TMEM62: variants seen among roughly 807,000 people sequenced by gnomAD.
The protein encoded by TMEM62 is transmembrane protein 62.
TMEM62 carries 41 observed loss-of-function variants against 70.4 expected under a neutral mutation model. The ratio of observed to expected loss-of-function variants is 0.58; its 90% CI spans 0.45 to 0.76. TMEM62 has a LOEUF of 0.76. TMEM62 is among the 30% of genes least tolerant of loss of function. The probability of loss-of-function intolerance (pLI) is 0.00; values close to 1 mark genes in which losing one functional copy is unlikely to be tolerated. For synonymous variants in TMEM62, 268 were observed against 291.0 expected (o/e 0.92, Z 0.80); for missense variants, 688 against 788.5 (o/e 0.87, Z 1.53).
At chr15:43,159,681 G>T (rs937828451) in intron 9 of TMEM62, among the ~76,000 whole-genome samples, 2 of 151,988 alleles carry the variant, frequency 1.3e-5, no homozygotes, top group Non-Finnish European at 2.9e-5. Context: ...ATCTTATTGT[G>T]AGCAGTGCTG....
At chr15:43,140,622 G>A (rs1021615447) in intron 4 of TMEM62, among the ~76,000 whole-genome samples, 2 of 152,164 alleles carry the variant, frequency 1.3e-5, no homozygotes, top group Non-Finnish European at 2.9e-5. Context: ...TGCCTTGTAC[G>A]TGACACTAGA....
chr15:43,152,746 T>C (rs2037560091), intron 8 of TMEM62, among the ~76,000 whole-genome samples: 1 of 152,188 alleles, frequency 6.6e-6, no homozygotes, highest in East Asian at 1.9e-4. Flanking sequence ...TTAACATTCT[T>C]TTTGCAAAGA....
At chr15:43,171,195 G>A (rs1368331110) in intron 11 of TMEM62, among the ~76,000 whole-genome samples, 1 of 151,976 alleles carries the variant, frequency 6.6e-6, no homozygotes, top group African/African-American at 2.4e-5. Context: ...AATTAGCCAG[G>A]CATGGTGGCA....
At position 43,149,106 on chromosome 15, in the gene TMEM62, A is replaced by C. The variant is rs1224979217; in HGVS notation, c.821A>C (p.Gln274Pro). The change falls in exon 7 of 14, where the codon CAG (glutamine) becomes CCG (proline). Residue 274 changes from glutamine (Q) to proline (P), a missense_variant. Coordinates refer to ENST00000260403, the MANE Select transcript of TMEM62 (RefSeq NM_024956.4). ...CCTGTTTTGCACACTCGTCACTTCC[A>C]GGGCACTTTGGAACTTGAGGTGGGA... ...LMPVLHTRHF[Q>P]GTLELEVGDW... 4 of 1,614,028 alleles carry C rather than the reference A, an allele frequency of 2.5e-6. No individual in the cohort carries two copies. In the African/African-American group the frequency reaches 4.0e-5, roughly 16 times the overall value.
intron 9 of TMEM62, among the ~76,000 whole-genome samples, chr15:43,157,890 T>C (rs1192203224): frequency 2.6e-5 from 4 of 152,200 alleles, no homozygotes; most frequent in Non-Finnish European, 4.4e-5. Flanking sequence ...ATATTTTCAT[T>C]TGGTTGGTTC....
rs751979920 is a variant in TMEM62 at position 43,171,614 on chromosome 15, CTT to C, written c.1381+1957_1381+1958del. 7.4e-3 allele frequency among the ~76,000 whole-genome samples: 854 copies of C among 114,900 alleles called. 5 individuals carry two copies. Among genetic ancestry groups the C allele is most frequent in the African/African-American group, 0.027 (801 of 29,800 alleles). The allele number at this position is 114,900 out of a possible 152,430, so 75.4% of individuals were successfully genotyped here. ...AAAAACAGTTTCATATTAATAAAAA[CTT>C]TTTTTTTTTTTTTTTTTTTGTGTGT... is the stretch of plus-strand genomic sequence containing the variant. On this transcript the variant is annotated intron_variant, in intron 11 of 13. Coordinates refer to ENST00000260403, the MANE Select transcript of TMEM62 (RefSeq NM_024956.4).
chr15:43,180,443 C>T (rs1044398100), intron 12 of TMEM62, among the ~76,000 whole-genome samples: 21 of 152,112 alleles, frequency 1.4e-4, no homozygotes, highest in African/African-American at 4.6e-4. Context: ...ATTTTGCAAA[C>T]GGAAATCTAA....
At chr15:43,177,845 T>C (rs967834620) in intron 11 of TMEM62, among the ~76,000 whole-genome samples, 38 of 151,606 alleles carry the variant, frequency 2.5e-4, no homozygotes, top group Non-Finnish European at 5.3e-4. Context: ...CTGGGGACTG[T>C]TGTGGGGTGG....
chr15:43,165,544 T>A (rs1265519774), intron 10 of TMEM62, among the ~76,000 whole-genome samples: 1 of 151,974 alleles, frequency 6.6e-6, no homozygotes, highest in Non-Finnish European at 1.5e-5. Context: ...ACATCCTGGC[T>A]AACACAGTGA....
intron 9 of TMEM62, among the ~76,000 whole-genome samples, chr15:43,155,863 A>T (rs2037990176): frequency 6.6e-6 from 1 of 152,212 alleles, no homozygotes; most frequent in Non-Finnish European, 1.5e-5. Flanking sequence ...TTGTTAGAGG[A>T]ATAAGCATTG....
At chr15:43,155,333 CA>C (rs989803691) in intron 9 of TMEM62, among the ~76,000 whole-genome samples, 1 of 151,180 alleles carries the variant, frequency 6.6e-6, no homozygotes, top group Non-Finnish European at 1.5e-5. Flanking sequence ...CGCATCTCAA[CA>C]AAAAAATAAA....
At chr15:43,138,545 T>A (rs1335152078) in intron 3 of TMEM62, 29 bp from the exon 4 acceptor site, 9 of 1,494,368 alleles carry the variant, frequency 6.0e-6, no homozygotes, top group Non-Finnish European at 8.3e-6. Context: ...TGTGGATGAA[T>A]GTTTGCTTTT....
At chr15:43,155,654 C>G (rs564592494) in intron 9 of TMEM62, among the ~76,000 whole-genome samples, 1 of 152,198 alleles carries the variant, frequency 6.6e-6, no homozygotes, top group East Asian at 1.9e-4. Flanking sequence ...GGAAATCATT[C>G]TTGTGTTTTC....
At chr15:43,146,351 CATTGTGGA>C (rs1436935074) in intron 4 of TMEM62, 134 bp from the exon 5 acceptor site, 3 of 725,480 alleles carry the variant, frequency 4.1e-6, no homozygotes, top group African/African-American at 1.8e-5. Context: ...TCAGTTTATC[CATTGTGGA>C]TCTAGTTTAG....
chr15:43,140,452 C>T (rs1351318484), intron 4 of TMEM62, among the ~76,000 whole-genome samples: 1 of 152,224 alleles, frequency 6.6e-6, no homozygotes, highest in African/African-American at 2.4e-5. Context: ...TTGGCGGTCA[C>T]ATTGGGGTCC....
At chr15:43,168,290 T>C (rs1291609018) in intron 10 of TMEM62, among the ~76,000 whole-genome samples, 2 of 152,042 alleles carry the variant, frequency 1.3e-5, no homozygotes, top group Non-Finnish European at 2.9e-5. Context: ...CCTGGATATG[T>C]GGGAGAGGTG....
At chr15:43,167,017 T>C (rs1403781105) in intron 10 of TMEM62, among the ~76,000 whole-genome samples, 1 of 152,200 alleles carries the variant, frequency 6.6e-6, no homozygotes, top group African/African-American at 2.4e-5. Flanking sequence ...AAACCGCCAT[T>C]GTCATCATGG....
rs2034703225 is a variant in TMEM62, at chr15:43,133,660, C to G, written c.-143C>G. The G allele has an allele frequency of 1.8e-6, 1 of 562,038 alleles. No individual in the cohort carries two copies. Among genetic ancestry groups the G allele is most frequent in the East Asian group, 3.7e-5 (1 of 27,064 alleles). The allele number at this position is 562,038 out of a possible 1,614,324, so 34.8% of individuals were successfully genotyped here. ...AGCACCCTAGGCCCAGTGTCTGGCT[C>G]CAGCCCCGCATCCGGCGCCGGCCCC... On this transcript the variant is annotated 5_prime_UTR_variant, in exon 1 of 14. Coordinates refer to ENST00000260403, the MANE Select transcript of TMEM62 (RefSeq NM_024956.4).
intron 10 of TMEM62, 100 bp from the exon 11 acceptor site, chr15:43,169,493 A>G (rs896836720): frequency 2.1e-5 from 21 of 995,548 alleles, no homozygotes; most frequent in African/African-American, 3.2e-5. Flanking sequence ...TCACAGTATC[A>G]CAGATGCCAT....
Sources: gnomAD v4.1 joint callset for allele counts (sites outside exome capture counted in the v4.1 genomes callset) on GRCh38, gnomAD v4.1.1 for gene constraint, MANE v1.5 for transcripts, NCBI Gene and HGNC (gene_info 2026-07-23, HGNC 2026-07-21) for gene names.